MEGF11: variants seen among roughly 807,000 people sequenced by gnomAD.
MEGF11 encodes multiple EGF like domains 11.
In MEGF11, 126 loss-of-function variants were observed where a neutral mutation model predicts 146.6. The observed-to-expected ratio is 0.86, with a 90% confidence interval of 0.74 to 1.00. The LOEUF is 1.00. MEGF11 is among the 50% of genes least tolerant of loss of function. MEGF11 has a pLI of 0.00. For missense variants in MEGF11, 1,509 were observed against 1,521.2 expected, an observed-to-expected ratio of 0.99 and a Z score of 0.13; for synonymous variants, 532 against 583.4, an observed-to-expected ratio of 0.91 and a Z score of 1.27.
chr15:66,112,078 A>G (rs1313502304), intron 4 of MEGF11, among the ~76,000 whole-genome samples: 1 of 150,878 alleles, frequency 6.6e-6, no homozygotes, highest in Admixed American at 6.6e-5. Context: ...TAATAGTTAA[A>G]AAAAAAAAAA....
chr15:65,973,914 C>T (rs959446118), intron 7 of MEGF11, among the ~76,000 whole-genome samples: 2 of 152,136 alleles, frequency 1.3e-5, no homozygotes, highest in Non-Finnish European at 2.9e-5. Flanking sequence ...GACTCCCCTG[C>T]CCCCCAGTAT....
At chr15:66,220,942 G>C (rs1468738151) in intron 1 of MEGF11, among the ~76,000 whole-genome samples, 4 of 152,088 alleles carry the variant, frequency 2.6e-5, no homozygotes, top group African/African-American at 9.7e-5. Context: ...CCCCCAAAAA[G>C]TGAGTGCATG....
chr15:66,191,400 A>T (rs2090873790), intron 1 of MEGF11, among the ~76,000 whole-genome samples: 1 of 152,212 alleles, frequency 6.6e-6, no homozygotes, highest in Non-Finnish European at 1.5e-5. Context: ...GTTGGGTGGA[A>T]AAATCCATTA....
chr15:65,927,041 T>G (rs2079395003), intron 13 of MEGF11, among the ~76,000 whole-genome samples: 1 of 152,236 alleles, frequency 6.6e-6, no homozygotes, highest in Admixed American at 6.5e-5. Context: ...GTTAATTATT[T>G]ATCTGAGAAC....
Position 65,981,020 on chromosome 15 carries a change from C to T in MEGF11, c.642-122G>A, listed in dbSNP as rs758389572. 86 of 1,251,418 alleles carry T rather than the reference C, an allele frequency of 6.9e-5. No individual in the cohort carries two copies. In the Middle Eastern group the frequency reaches 2.7e-3, roughly 39 times the overall value. The allele number at this position is 1,251,418 out of a possible 1,614,324, so 77.5% of individuals were successfully genotyped here. On this transcript the variant is annotated intron_variant, in intron 6 of 25. Transcript: ENST00000395614. Reference sequence around the variant, plus strand: ...ATGGATCTGTATTAGGCACAGCATCCGCTGAACTGCAGTCCTGCTCCCTGC... The same window carrying T: ...ATGGATCTGTATTAGGCACAGCATCTGCTGAACTGCAGTCCTGCTCCCTGC...
chr15:66,197,655 C>T (rs184782849), intron 1 of MEGF11, among the ~76,000 whole-genome samples: 352 of 152,216 alleles, frequency 2.3e-3, no homozygotes, highest in African/African-American at 8.0e-3. Context: ...ATCTCCTGAC[C>T]TCGTGATCCG....
intron 11 of MEGF11, among the ~76,000 whole-genome samples, chr15:65,930,320 A>AGGCTCCCCCTCAGCT (rs1292945072): frequency 2.6e-5 from 4 of 152,082 alleles, no homozygotes; most frequent in Admixed American, 2.0e-4. Context: ...TGCACATCCC[A>AGGCTCCCCCTCAGCT]GGCTCCCCCT....
chr15:65,965,014 C>G lies in MEGF11; in HGVS notation c.1006G>C (p.Glu336Gln). The change falls in exon 9 of 26, where the codon GAG (glutamate) becomes CAG (glutamine). Residue 336 changes from glutamate to glutamine, a missense_variant. Transcript: ENST00000395614. ...CAGCGTGGGCCCTTGTAGCCAGGCT[C>G]ACACTCGCAGGCACCCGTGGTGGGT... ...CSPTTGACEC[E>Q]PGYKGPRCQE... 1 of 1,574,678 alleles carries G rather than the reference C, an allele frequency of 6.4e-7. No individual in the cohort carries two copies. The highest frequency in any genetic ancestry group is 8.6e-7 in the Non-Finnish European group (1 of 1,159,998).
chr15:66,069,247 T>C (rs138051686), intron 5 of MEGF11, among the ~76,000 whole-genome samples: 304 of 152,342 alleles, frequency 2.0e-3, no homozygotes, highest in Non-Finnish European at 3.2e-3. Context: ...AGGAAGGAAG[T>C]CGTCACAGTG....
chr15:66,002,090 CT>C (rs2082385047), intron 5 of MEGF11, among the ~76,000 whole-genome samples: 1 of 152,074 alleles, frequency 6.6e-6, no homozygotes, highest in Admixed American at 6.5e-5. Context: ...GAGCACAGAT[CT>C]TTTCGACTCA....
chr15:66,154,601 A>G (rs946087435), intron 1 of MEGF11, among the ~76,000 whole-genome samples: 1 of 152,224 alleles, frequency 6.6e-6, no homozygotes, highest in African/African-American at 2.4e-5. Context: ...GATTGTATTT[A>G]TTTTCCTAGA....
chr15:66,203,891 G>A (rs2091231879), intron 1 of MEGF11, among the ~76,000 whole-genome samples: 2 of 152,102 alleles, frequency 1.3e-5, no homozygotes, highest in Admixed American at 1.3e-4. Context: ...GAAAATGTGG[G>A]GATTTTTGGA....
At chr15:65,995,105 C>T (rs967846208) in intron 5 of MEGF11, among the ~76,000 whole-genome samples, 5 of 151,990 alleles carry the variant, frequency 3.3e-5, no homozygotes, top group East Asian at 1.9e-4. Context: ...GAAGGAGGAA[C>T]GGGATTCTGA....
chr15:66,147,053 T>C (rs1031767002), intron 1 of MEGF11, among the ~76,000 whole-genome samples: 8 of 152,144 alleles, frequency 5.3e-5, no homozygotes, highest in African/African-American at 1.9e-4. Context: ...GTAGCCCAAT[T>C]GTAGCCGCTA....
intron 4 of MEGF11, among the ~76,000 whole-genome samples, chr15:66,115,752 T>C (rs72744438): frequency 0.17 from 26,397 of 152,128 alleles, 2,734 homozygotes; most frequent in East Asian, 0.37. Context: ...TCTAATCCAC[T>C]ATGACGTGTG....
chr15:66,214,030 C>CTTTTT (rs11303068), intron 1 of MEGF11, among the ~76,000 whole-genome samples: 3 of 92,332 alleles, frequency 3.2e-5, no homozygotes, highest in Non-Finnish European at 2.0e-5. Flanking sequence ...GAGCCGGCCA[C>CTTTTT]TTTTTTTTTT....
chr15:65,946,101 A>G (rs756498404), intron 10 of MEGF11, among the ~76,000 whole-genome samples: 2 of 152,222 alleles, frequency 1.3e-5, no homozygotes, highest in Non-Finnish European at 2.9e-5. Flanking sequence ...AGTAAGTGCT[A>G]TAGATGCTTT....
chr15:65,918,083 C>G lies in MEGF11; in HGVS notation c.1969G>C (p.Gly657Arg). 6.2e-7 allele frequency: 1 copy of G among 1,613,906 alleles called. No homozygotes were observed. Among genetic ancestry groups the G allele is most frequent in the Non-Finnish European group, 8.5e-7 (1 of 1,179,868 alleles). ...TGGGCACAGTCCTGCCCAAAGTATCCTCCAGCACACACTGTGGGCACAGGG... is the reference window on the plus strand; with the variant it reads ...TGGGCACAGTCCTGCCCAAAGTATCGTCCAGCACACACTGTGGGCACAGGG... ...GALCNQVCAGGYFGQDCAQLC... is the reference protein window; with the variant it reads ...GALCNQVCAGRYFGQDCAQLC... The change falls in exon 16 of 26, where the codon GGA becomes CGA. Residue 657 changes from glycine (G) to arginine (R), a missense_variant. Coordinates refer to ENST00000395614, the MANE Select transcript of MEGF11 (RefSeq NM_001385028.1).
At chr15:66,235,767 G>A (rs556490653) in intron 1 of MEGF11, among the ~76,000 whole-genome samples, 16 of 152,206 alleles carry the variant, frequency 1.1e-4, no homozygotes, top group South Asian at 1.0e-3. Flanking sequence ...ACATCTCACA[G>A]TCCACCCCAA....
Sources: gnomAD v4.1 joint callset for allele counts (sites outside exome capture counted in the v4.1 genomes callset) on GRCh38, gnomAD v4.1.1 for gene constraint, MANE v1.5 for transcripts, NCBI Gene and HGNC (gene_info 2026-07-23, HGNC 2026-07-21) for gene names.